PDE1C: variants seen among roughly 807,000 people sequenced by gnomAD.
PDE1C encodes the protein dual specificity calcium/calmodulin-dependent 3',5'-cyclic nucleotide phosphodiesterase 1C.
Under a neutral mutation model 93.1 loss-of-function variants are expected in PDE1C, and 62 were observed. That is an observed-to-expected ratio of 0.67 (90% CI 0.54 to 0.82). The LOEUF (loss-of-function observed/expected upper bound fraction) is 0.82, where lower values mean the gene tolerates loss of function less well. Among genes scored for constraint, PDE1C ranks in the 40% least tolerant of loss-of-function variants. PDE1C has a pLI of 0.00. For missense variants in PDE1C, 742 were observed against 884.6 expected, an observed-to-expected ratio of 0.84 and a Z score of 2.04; for synonymous variants, 325 against 310.1, an observed-to-expected ratio of 1.05 and a Z score of -0.50.
At chr7:32,044,224 A>C (rs1312003918) in intron 2 of PDE1C, among the ~76,000 whole-genome samples, 1 of 152,182 alleles carries the variant, frequency 6.6e-6, no homozygotes, top group South Asian at 2.1e-4. Flanking sequence ...ATCTTGAAGA[A>C]AAGATGGGAT....
chr7:32,379,675 A>G (rs1784497495), intron 1 of PDE1C, among the ~76,000 whole-genome samples: 1 of 152,176 alleles, frequency 6.6e-6, no homozygotes, highest in Admixed American at 6.5e-5. Flanking sequence ...TGAGTTGCTG[A>G]TGAACAACTG....
At chr7:31,990,001 G>T (rs1445130725) in intron 2 of PDE1C, among the ~76,000 whole-genome samples, 1 of 152,214 alleles carries the variant, frequency 6.6e-6, no homozygotes, top group African/African-American at 2.4e-5. Flanking sequence ...CTTCCCTCCT[G>T]AAAGGAACTT....
rs1055017078 is a variant in PDE1C at position 31,839,183 on chromosome 7, C to T, written c.981-1212G>A. On this transcript the variant is annotated intron_variant, in intron 9 of 17. Coordinates refer to ENST00000396191, the MANE Select transcript of PDE1C (RefSeq NM_001191057.4). ...ATGTATGTATACACACATACATATA[C>T]GTATGTATACATACATACATACGTA... Among the ~76,000 whole-genome samples the T allele has an allele frequency of 8.1e-5, 12 of 147,796 alleles. No homozygotes were observed. The East Asian group carries it at 1.4e-3, about 17-fold the overall frequency.
At chr7:31,681,838 C>T in the PDE1C span, among the ~76,000 whole-genome samples, 1 of 152,222 alleles carries the variant, frequency 6.6e-6, no homozygotes, top group Non-Finnish European at 1.5e-5. Context: ...GAAGTCCACA[C>T]ATTGGTATCT....
intron 1 of PDE1C, among the ~76,000 whole-genome samples, chr7:32,294,157 G>A (rs919234489): frequency 5.3e-5 from 8 of 152,064 alleles, no homozygotes; most frequent in Admixed American, 1.3e-4. Context: ...TGCTGTCCAA[G>A]GGTAGGTCAG....
intron 2 of PDE1C, among the ~76,000 whole-genome samples, chr7:31,912,570 C>G (rs1039171716): frequency 1.3e-5 from 2 of 152,014 alleles, no homozygotes; most frequent in Non-Finnish European, 2.9e-5. Flanking sequence ...AGCTGTAGTC[C>G]TAACTACTTC....
intron 1 of PDE1C, among the ~76,000 whole-genome samples, chr7:32,231,956 TATACACACACACACACACACACACACAC>T (rs1807724952): frequency 7.9e-6 from 1 of 126,744 alleles, no homozygotes; most frequent in Admixed American, 9.1e-5. Context: ...TAAATATGTG[TATACACACACACACACACACACACACAC>T]ACACACACAC....
At chr7:32,112,553 C>G (rs544099346) in intron 3 of PDE1C, among the ~76,000 whole-genome samples, 3 of 151,642 alleles carry the variant, frequency 2.0e-5, no homozygotes, top group African/African-American at 7.2e-5. Context: ...CAACATTGAG[C>G]TCAAGCAATC....
intron 1 of PDE1C, among the ~76,000 whole-genome samples, chr7:32,239,286 A>G (rs1257065942): frequency 6.6e-6 from 1 of 152,122 alleles, no homozygotes; most frequent in Non-Finnish European, 1.5e-5. Flanking sequence ...CTAGCTACTC[A>G]GGAGGCTGAG....
intron 1 of PDE1C, among the ~76,000 whole-genome samples, chr7:32,268,568 A>G (rs57828378): frequency 0.012 from 1,892 of 152,330 alleles, 17 homozygotes; most frequent in African/African-American, 0.02. Flanking sequence ...GAATAAATGT[A>G]AAATAGAAAA....
chr7:31,692,181 A>C, the PDE1C span, among the ~76,000 whole-genome samples: 2 of 152,166 alleles, frequency 1.3e-5, no homozygotes, highest in African/African-American at 4.8e-5. Flanking sequence ...ATACATGACA[A>C]TTATGAATAA....
At chr7:32,141,245 T>C (rs950215251) in intron 3 of PDE1C, among the ~76,000 whole-genome samples, 2 of 152,142 alleles carry the variant, frequency 1.3e-5, no homozygotes, top group Non-Finnish European at 2.9e-5. Flanking sequence ...AGCGAGAGAA[T>C]AGCTCAAGGA....
chr7:31,684,827 G>C, the PDE1C span, among the ~76,000 whole-genome samples: 2 of 152,190 alleles, frequency 1.3e-5, no homozygotes, highest in African/African-American at 4.8e-5. Context: ...GGTGGGAATG[G>C]GAAATGCTAC....
chr7:31,958,587 T>G (rs964417775), intron 2 of PDE1C, among the ~76,000 whole-genome samples: 5 of 152,192 alleles, frequency 3.3e-5, no homozygotes. Context: ...TGTCGAACAG[T>G]AGTCATTCAA....
intron 2 of PDE1C, among the ~76,000 whole-genome samples, chr7:32,027,151 T>C (rs1346943957): frequency 6.6e-6 from 1 of 152,130 alleles, no homozygotes; most frequent in Non-Finnish European, 1.5e-5. Context: ...TGAATCATAA[T>C]ACATACTCTG....
At chr7:32,113,125 G>A (rs2128757571) in intron 3 of PDE1C, among the ~76,000 whole-genome samples, 1 of 148,680 alleles carries the variant, frequency 6.7e-6, no homozygotes, top group Admixed American at 6.7e-5. Context: ...GAAATAAAAG[G>A]AGAAATGGGT....
intron 5 of PDE1C, among the ~76,000 whole-genome samples, chr7:31,874,767 G>A (rs12670337): frequency 4.1e-4 from 63 of 152,276 alleles, no homozygotes; most frequent in Non-Finnish European, 7.5e-4. Context: ...CAAAGAAATA[G>A]TGACAGGCAC....
At chr7:32,223,452 C>T (rs567481853) in intron 1 of PDE1C, among the ~76,000 whole-genome samples, 2 of 152,282 alleles carry the variant, frequency 1.3e-5, no homozygotes, top group East Asian at 3.9e-4. Context: ...AAGTAAATGG[C>T]CCTATCCAGG....
At chr7:32,180,614 T>G (rs1025688683) in intron 2 of PDE1C, among the ~76,000 whole-genome samples, 12 of 152,224 alleles carry the variant, frequency 7.9e-5, no homozygotes, top group African/African-American at 2.4e-4. Context: ...GCCAGCACCT[T>G]GATCTTGGAT....
Sources: allele counts gnomAD v4.1 joint callset (sites outside exome capture counted in the v4.1 genomes callset), GRCh38; gene constraint gnomAD v4.1.1; transcripts MANE v1.5; gene names NCBI Gene and HGNC (gene_info 2026-07-23, HGNC 2026-07-21).